Variants in RNASET2 observed in about 807,000 individuals in gnomAD.
The protein encoded by RNASET2 is ribonuclease 6.
Under a neutral mutation model 33.9 loss-of-function variants are expected in RNASET2, and 28 were observed. The ratio of observed to expected loss-of-function variants is 0.83; its 90% CI spans 0.61 to 1.13. The LOEUF (loss-of-function observed/expected upper bound fraction) is 1.13, where lower values mean the gene tolerates loss of function less well. Among genes scored for constraint, RNASET2 ranks in the 50% most tolerant of loss-of-function variants. The pLI is 0.00. For missense variants in RNASET2, 330 were observed against 319.9 expected (o/e 1.03, Z -0.24); for synonymous variants, 123 against 121.0 (o/e 1.02, Z -0.11).
In RNASET2 at chr6:166,930,750, A is replaced by T. The variant is rs183652478; in HGVS notation, c.567+294T>A. 1.2e-4 allele frequency among the ~76,000 whole-genome samples: 18 copies of T among 148,208 alleles called. No individual in the cohort carries two copies. The East Asian group carries it at 3.3e-3, about 27-fold the overall frequency. On this transcript the variant is annotated intron_variant, in intron 8 of 8. Transcript: ENST00000508775. ...GCACATGCCCACATAATGTACACAC[A>T]TGCACACACAGGACATGCACACACA...
At chr6:166,947,231 T>C (rs1361962353) in intron 3 of RNASET2, among the ~76,000 whole-genome samples, 2 of 152,236 alleles carry the variant, frequency 1.3e-5, no homozygotes, top group African/African-American at 4.8e-5. Context: ...GCCTGGCGTA[T>C]GGCAGAAGAT....
chr6:166,956,409 C>A lies in RNASET2; in HGVS notation c.-227G>T, dbSNP rs1044059. The A allele has an allele frequency of 0.54, 312,531 of 577,598 alleles. 88,380 individuals carry two copies. Among genetic ancestry groups the A allele is most frequent in the African/African-American group, 0.79 (41,386 of 52,238 alleles). The allele number at this position is 577,598 out of a possible 1,614,324, so 35.8% of individuals were successfully genotyped here. On this transcript the variant is annotated 5_prime_UTR_variant, in exon 1 of 9. Coordinates refer to ENST00000508775, the MANE Select transcript of RNASET2 (RefSeq NM_003730.6). The stretch of plus-strand genomic sequence containing the variant: ...CCGGGAATGGCCGCAGCAGCCCTGG[C>A]GACCCGGGCCCCTCGGAGCTCCCCT...
chr6:166,930,874 A>G (rs898116032), intron 8 of RNASET2, among the ~76,000 whole-genome samples, 170 bp downstream of exon 8: 2 of 151,724 alleles, frequency 1.3e-5, no homozygotes, highest in East Asian at 1.9e-4. Context: ...GCACATGCAC[A>G]CATGCATGTA....
intron 4 of RNASET2, among the ~76,000 whole-genome samples, chr6:166,944,551 T>C (rs1304315969): frequency 6.8e-6 from 1 of 147,138 alleles, no homozygotes; most frequent in African/African-American, 2.5e-5. Flanking sequence ...GGGCACGATA[T>C]GATTGAGTGT....
chr6:166,948,453 C>A (rs1288795778), intron 3 of RNASET2, 117 bp downstream of exon 3: 2 of 754,960 alleles, frequency 2.6e-6, no homozygotes. Context: ...AGAATCTAGT[C>A]TATTGGATAA....
intron 1 of RNASET2, among the ~76,000 whole-genome samples, chr6:166,954,320 T>A (rs1779055910): frequency 6.6e-6 from 1 of 152,250 alleles, no homozygotes; most frequent in Non-Finnish European, 1.5e-5. Context: ...ATCAGTTGCA[T>A]GAATTATGGG....
rs202105909 is a variant in RNASET2, at chr6:166,929,707, C to T, written c.652G>A (p.Glu218Lys). ...QQLQNCTEPG[E>K]QPSPKQEVWL... The stretch of plus-strand genomic sequence containing the variant: ...ACTTCCTGCTTGGGGGACGGCTGCT[C>T]CCCCGGCTCGGTGCAGTTTTGCAGC... The change falls in exon 9 of 9, where the codon GAG becomes AAG. Residue 218 changes from glutamate to lysine, a missense_variant. Coordinates refer to ENST00000508775, the MANE Select transcript of RNASET2 (RefSeq NM_003730.6). 6.8e-5 allele frequency: 110 copies of T among 1,614,008 alleles called. 1 individual carries two copies. The East Asian group carries it at 2.3e-3, about 34-fold the overall frequency.
intron 7 of RNASET2, chr6:166,931,888 C>A: frequency 6.5e-6 from 1 of 154,418 alleles, no homozygotes; most frequent in Non-Finnish European, 1.4e-5. Context: ...CCACTGACCG[C>A]CTGGCTGCCG....
At position 166,925,456 on chromosome 6, in the gene RNASET2, C is replaced by T. The variant is rs1030955815; in HGVS notation, c.*4132G>A. Among the ~76,000 whole-genome samples the T allele has an allele frequency of 6.6e-6, 1 of 150,666 alleles. No individual in the cohort carries two copies. Among genetic ancestry groups the T allele is most frequent in the African/African-American group, 2.4e-5 (1 of 41,058 alleles). ...CACTGCACAGCCCTCACCTCTGCCACCCAGGCCTCATCTATACTGCCCAGC... is the reference window on the plus strand; with the variant it reads ...CACTGCACAGCCCTCACCTCTGCCATCCAGGCCTCATCTATACTGCCCAGC... On this transcript the variant is annotated 3_prime_UTR_variant, in exon 9 of 9. Transcript: ENST00000508775.
In RNASET2 at chr6:166,956,274, T is replaced by A. The variant is rs2128648781; in HGVS notation, c.-92A>T. 2 of 1,245,198 alleles carry A rather than the reference T, an allele frequency of 1.6e-6. No individual in the cohort carries two copies. Among genetic ancestry groups the A allele is most frequent in the African/African-American group, 3.0e-5 (2 of 67,244 alleles). 77.1% of individuals were successfully genotyped at this position (1,245,198 alleles called of 1,614,324 possible). On this transcript the variant is annotated 5_prime_UTR_variant, in exon 1 of 9. Transcript: ENST00000508775. Reference sequence around the variant, plus strand: ...AGGAAGACTTCCGGGAGAAACGCTGTCTCCGAGCCCCCGCGCCGCCGCGCT... The same window carrying A: ...AGGAAGACTTCCGGGAGAAACGCTGACTCCGAGCCCCCGCGCCGCCGCGCT...
chr6:166,936,598 G>A (rs1289230442), intron 6 of RNASET2, among the ~76,000 whole-genome samples: 7 of 152,138 alleles, frequency 4.6e-5, no homozygotes, highest in African/African-American at 1.2e-4. Context: ...GGTTGGGGGC[G>A]GTGCCAGGCT....
At position 166,956,196 on chromosome 6, in the gene RNASET2, G is replaced by A. The variant is rs886061242; in HGVS notation, c.-14C>T. The A allele has an allele frequency of 1.3e-6, 2 of 1,546,880 alleles. No homozygotes were observed. Among genetic ancestry groups the A allele is most frequent in the African/African-American group, 1.4e-5 (1 of 72,902 alleles). ...TGCAGGGCGCATGGTGCCGACCTGC[G>A]GAGAGAACGCTGCCAGCTGCCGCTC... On this transcript the variant is annotated 5_prime_UTR_variant, in exon 1 of 9. Coordinates refer to ENST00000508775, the MANE Select transcript of RNASET2 (RefSeq NM_003730.6).
At position 166,923,904 on chromosome 6, in the gene RNASET2, C is replaced by A. The variant is rs1778268944; in HGVS notation, c.*5684G>T. ...CAGCCTTCTGCAGTGATAGATCTAG[C>A]CAATATAGTTGAATTCTGAAAATAT... is the stretch of plus-strand genomic sequence containing the variant. On this transcript the variant is annotated 3_prime_UTR_variant, in exon 9 of 9. Transcript: ENST00000508775. 6.6e-6 allele frequency among the ~76,000 whole-genome samples: 1 copy of A among 152,184 alleles called. No individual in the cohort carries two copies. The highest frequency in any genetic ancestry group is 2.1e-4 in the South Asian group (1 of 4,828).
intron 4 of RNASET2, among the ~76,000 whole-genome samples, chr6:166,944,937 C>T (rs1193373788): frequency 2.7e-5 from 4 of 150,336 alleles, no homozygotes; most frequent in South Asian, 2.1e-4. Flanking sequence ...CACCCACCCA[C>T]GTCCACACCT....
chr6:166,942,594 A>G (rs1010294318), intron 5 of RNASET2, among the ~76,000 whole-genome samples: 5 of 151,938 alleles, frequency 3.3e-5, no homozygotes, highest in Non-Finnish European at 5.9e-5. Context: ...GCCGCACAAT[A>G]CCACATCTAG....
rs1342622748 is a variant in RNASET2 at position 166,928,343 on chromosome 6, C to T, written c.*1245G>A. On this transcript the variant is annotated 3_prime_UTR_variant, in exon 9 of 9. Transcript: ENST00000508775. ...CTGAACATTCTGCATTTCAGACTGT[C>T]TTGTAGACACCATGAAGTGAGGTTT... Among the ~76,000 whole-genome samples, 1 of 152,010 alleles carries T rather than the reference C, an allele frequency of 6.6e-6. No individual in the cohort carries two copies. The highest frequency in any genetic ancestry group is 2.4e-5 in the African/African-American group (1 of 41,366).
rs199506216 is a variant in RNASET2, at chr6:166,955,381, GCACACA to G, written c.86+710_86+715del. 5.6e-5 allele frequency: 14 copies of G among 250,888 alleles called. 1 individual carries two copies. Among genetic ancestry groups the G allele is most frequent in the South Asian group, 6.1e-4 (2 of 3,282 alleles). The allele number at this position is 250,888 out of a possible 1,614,324, so 15.5% of individuals were successfully genotyped here. ...CACACACGCACACACAAACGCACAC[GCACACA>G]CACACACGCGCACACACACACGCGC... On this transcript the variant is annotated intron_variant, in intron 1 of 8. Coordinates refer to ENST00000508775, the MANE Select transcript of RNASET2 (RefSeq NM_003730.6).
rs1192071453 is a variant in RNASET2, at chr6:166,922,386, G to A, written c.*7202C>T. 6.7e-6 allele frequency among the ~76,000 whole-genome samples: 1 copy of A among 150,260 alleles called. No homozygotes were observed. Among genetic ancestry groups the A allele is most frequent in the Admixed American group, 6.6e-5 (1 of 15,150 alleles). ...AGTTGCATCCCACTGACCATCCCCC[G>A]GCTCCCCATCAAAAAAACCACTTGA... On this transcript the variant is annotated 3_prime_UTR_variant, in exon 9 of 9. Transcript: ENST00000508775.
intron 3 of RNASET2, among the ~76,000 whole-genome samples, chr6:166,947,453 C>T (rs1225818205): frequency 6.6e-6 from 1 of 152,140 alleles, no homozygotes; most frequent in Non-Finnish European, 1.5e-5. Context: ...AACAGCTGGA[C>T]CAGCATGTGA....
Sources: allele counts gnomAD v4.1 joint callset (sites outside exome capture counted in the v4.1 genomes callset), GRCh38; gene constraint gnomAD v4.1.1; transcripts MANE v1.5; gene names NCBI Gene and HGNC (gene_info 2026-07-23, HGNC 2026-07-21).